The following TAF1 variants were observed in gnomAD, a reference collection of about 807,000 sequenced individuals.
TAF1 encodes TATA-box binding protein associated factor 1, also known as transcription initiation factor TFIID subunit 1.
TAF1 carries 2 observed loss-of-function variants against 138.5 expected under a neutral mutation model. That is an observed-to-expected ratio of 0.01 (90% CI 0.01 to 0.05). The LOEUF is 0.05. TAF1 is among the 10% of genes least tolerant of loss of function. The pLI is 1.00. For synonymous variants in TAF1, 437 were observed against 503.2 expected (o/e 0.87, Z 1.76); for missense variants, 709 against 1,478.0 (o/e 0.48, Z 8.53).
chrX:71,476,853 A>G (rs1276529966), intron 13 of TAF1, among the ~76,000 whole-genome samples: 1 of 111,137 alleles, frequency 9.0e-6, no homozygotes, highest in Non-Finnish European at 1.9e-5. Flanking sequence ...TATATAGGAA[A>G]AAAATGAAAT....
At chrX:71,381,715 T>TA in intron 8 of TAF1, 28 bp from the exon 9 acceptor site, 1 of 1,196,703 alleles carries the variant, frequency 8.4e-7, no homozygotes, top group Non-Finnish European at 1.1e-6. Flanking sequence ...TTTTCTCTGT[T>TA]ACTATTTCCT....
chrX:71,376,927 G>C, intron 4 of TAF1, 23 bp from the exon 5 acceptor site: 2 of 1,208,858 alleles, frequency 1.7e-6, no homozygotes, highest in Admixed American at 2.2e-5. Context: ...ACATGCCAAA[G>C]GGGTTTCTCT....
At chrX:71,435,683 A>G (rs962573549) in intron 32 of TAF1, among the ~76,000 whole-genome samples, 1 of 111,703 alleles carries the variant, frequency 9.0e-6, no homozygotes, top group African/African-American at 3.3e-5. Flanking sequence ...AGGAGGACTA[A>G]TCCAATAGCA....
intron 14 of TAF1, among the ~76,000 whole-genome samples, chrX:71,529,362 CACCTGGCTGGTGCATTTTT>C (rs1269866846): frequency 9.2e-6 from 1 of 108,962 alleles, no homozygotes; most frequent in African/African-American, 3.4e-5. Context: ...TGAGCCACTG[CACCTGGCTGGTGCATTTTT>C]ACAGAGTGCT....
In TAF1 at chrX:71,387,372, A is replaced by G. The variant is rs1192068167; in HGVS notation, c.2338A>G (p.Ile780Val). ...QGYYIRELVD[I>V]FVVGQQCPLF... The stretch of plus-strand genomic sequence containing the variant: ...TTACTATATTCGGGAATTAGTGGAT[A>G]TTTTTGTGGTTGGCCAGCAGTGTCC... Residue 780 changes from isoleucine to valine, a missense_variant, in exon 15 of 38, where the codon ATT (isoleucine) becomes GTT (valine). Transcript: ENST00000423759. 4.1e-6 allele frequency: 5 copies of G among 1,212,064 alleles called. No homozygotes were observed. In the Admixed American group the frequency reaches 8.7e-5, roughly 21 times the overall value.
At chrX:71,449,498 T>G (rs1471101014) in intron 32 of TAF1, among the ~76,000 whole-genome samples, 7 of 112,719 alleles carry the variant, frequency 6.2e-5, no homozygotes, top group African/African-American at 2.2e-4. Context: ...CAAAATGGAT[T>G]AAAGTAAGAG....
At position 71,368,139 on chromosome X, in the gene TAF1, G is replaced by C; in HGVS notation, c.321G>C (p.Thr107=). 1.7e-6 allele frequency: 2 copies of C among 1,212,036 alleles called. No individual in the cohort carries two copies. The highest frequency in any genetic ancestry group is 2.2e-6 in the Non-Finnish European group (2 of 895,552). The part of the protein sequence containing the change: ...AEDESRRYQQ[T]MGSLQPLCHS... ...ATGAAAGCCGAAGATACCAGCAGAC[G>C]ATGGGGAGCTTGCAGCCCCTTTGCC... The change falls in exon 3 of 38, where the codon ACG becomes ACC. Residue 107 remains threonine, a synonymous_variant. Coordinates refer to ENST00000423759, the MANE Select transcript of TAF1 (RefSeq NM_004606.5).
intron 13 of TAF1, among the ~76,000 whole-genome samples, chrX:71,498,234 G>C (rs747331600): frequency 9.0e-6 from 1 of 111,632 alleles, no homozygotes; most frequent in Non-Finnish European, 1.9e-5. Flanking sequence ...GTGGTCTGTG[G>C]GATCCTCAAA....
rs2147467624 is a variant in TAF1 at position 71,465,938 on chromosome X, A to C, written c.*1892A>C. Reference sequence around the variant, plus strand: ...ATGCTGGGTGGGATATTGTGCTTTTATTTCTATATTGTTTGAATTTTTTTA... The same window carrying C: ...ATGCTGGGTGGGATATTGTGCTTTTCTTTCTATATTGTTTGAATTTTTTTA... On this transcript the variant is annotated 3_prime_UTR_variant, in exon 38 of 38. Transcript: ENST00000423759. 1 of 112,162 alleles carries C rather than the reference A, an allele frequency of 8.9e-6. No individual in the cohort carries two copies. The highest frequency in any genetic ancestry group is 3.7e-4 in the South Asian group (1 of 2,736). 9.2% of individuals were successfully genotyped at this position (112,162 alleles called of 1,213,427 possible). A position where few individuals can be genotyped will look rare whatever the true frequency, so the allele number is the denominator to read the frequency against.
Position 71,367,608 on chromosome X carries a change from A to C in TAF1, c.230A>C (p.Asp77Ala), listed in dbSNP as rs1189398402. 7.4e-6 allele frequency: 9 copies of C among 1,209,353 alleles called. No homozygotes were observed. The highest frequency in any genetic ancestry group is 1.0e-5 in the Non-Finnish European group (9 of 894,985). The change falls in exon 2 of 38, where the codon GAT becomes GCT. Residue 77 changes from aspartate (D) to alanine (A), a missense_variant. By Grantham distance (126) the Asp-to-Ala change is moderately radical. This residue lies in a region of TAF1 where 123 missense variants were observed against 161.6 expected (regional missense o/e 0.76). Coordinates refer to ENST00000423759, the MANE Select transcript of TAF1 (RefSeq NM_004606.5). ...GGGACTGACGGTGCCTTGGTAAATGATGAAGGTGAAGTCTGGGTTGTGGGG... is the reference window on the plus strand; with the variant it reads ...GGGACTGACGGTGCCTTGGTAAATGCTGAAGGTGAAGTCTGGGTTGTGGGG... ...LTGTDGALVN[D>A]EGWVRSTEDA...
Position 71,456,649 on chromosome X carries a change from C to CTTTTTTTTTTTTTTTTTT in TAF1, c.4939-1566_4939-1549dup, listed in dbSNP as rs776321706. Among the ~76,000 whole-genome samples the CTTTTTTTTTTTTTTTTTT allele has an allele frequency of 3.4e-4, 9 of 26,828 alleles. 3 individuals carry two copies. The highest frequency in any genetic ancestry group is 6.5e-4 in the African/African-American group (4 of 6,186). The allele number at this position is 26,828 out of a possible 115,157, so 23.3% of individuals were successfully genotyped here. A position where few individuals can be genotyped will look rare whatever the true frequency, so the allele number is the denominator to read the frequency against. On this transcript the variant is annotated intron_variant, in intron 34 of 37. Coordinates refer to ENST00000423759, the MANE Select transcript of TAF1 (RefSeq NM_004606.5). Reference sequence around the variant, plus strand: ...ATGGTGGTGGTCAATAATGTATTTTCTTTTTTTTTTTTTTTTTTTTTTTTT... The same window carrying CTTTTTTTTTTTTTTTTTT: ...ATGGTGGTGGTCAATAATGTATTTTCTTTTTTTTTTTTTTTTTTTTTTTTTTTTTTTTTTTTTTTTTTT...
chrX:71,435,426 A>C (rs903343851), intron 32 of TAF1, among the ~76,000 whole-genome samples: 1 of 111,684 alleles, frequency 9.0e-6, no homozygotes, highest in Non-Finnish European at 1.9e-5. Flanking sequence ...TTTTCTATGG[A>C]GCACCCTCTT....
At chrX:71,377,315 A>G (rs1025075460) in intron 5 of TAF1, 124 bp downstream of exon 5, 8 of 1,037,041 alleles carry the variant, frequency 7.7e-6, no homozygotes, top group Non-Finnish European at 9.0e-6. Flanking sequence ...TTGGCTACAT[A>G]AGAGCTCTTC....
Position 71,436,791 on chromosome X carries a change from A to G in TAF1, c.4753+12553A>G, listed in dbSNP as rs761413019. ...TTTATCACAAAGGCTTTAAAATTTTAAATTCCTTGACTGTGCTTGCCTAAT... is the reference window on the plus strand; with the variant it reads ...TTTATCACAAAGGCTTTAAAATTTTGAATTCCTTGACTGTGCTTGCCTAAT... On this transcript the variant is annotated intron_variant, in intron 32 of 37. Transcript: ENST00000423759. Among the ~76,000 whole-genome samples the G allele has an allele frequency of 1.3e-4, 15 of 112,253 alleles. 1 individual carries two copies. In the South Asian group the frequency reaches 2.9e-3, roughly 22 times the overall value.
chrX:71,451,777 G>T (rs1265559901), intron 32 of TAF1, among the ~76,000 whole-genome samples: 4 of 110,810 alleles, frequency 3.6e-5, no homozygotes, highest in Non-Finnish European at 7.6e-5. Context: ...ATGTTTCAGA[G>T]AGCACAGGGT....
At chrX:71,503,332 A>G (rs1569408518) in intron 13 of TAF1, among the ~76,000 whole-genome samples, 2 of 98,906 alleles carry the variant, frequency 2.0e-5, no homozygotes, top group Non-Finnish European at 4.0e-5. Flanking sequence ...GTGTGTGTAT[A>G]TATATATATA....
chrX:71,442,765 G>A (rs911067464), intron 32 of TAF1, among the ~76,000 whole-genome samples: 6 of 111,696 alleles, frequency 5.4e-5, no homozygotes, highest in African/African-American at 9.8e-5. Context: ...GTAATGCCTA[G>A]GTTTTCTTCT....
intron 24 of TAF1, among the ~76,000 whole-genome samples, chrX:71,399,698 A>G (rs1166161518): frequency 9.3e-6 from 1 of 107,902 alleles, no homozygotes; most frequent in Admixed American, 1.0e-4. Flanking sequence ...CAGCCTCCCA[A>G]GTAGCTGTGC....
chrX:71,383,257 G>T, intron 12 of TAF1, 93 bp downstream of exon 12: 1 of 972,580 alleles, frequency 1.0e-6, no homozygotes, highest in Non-Finnish European at 1.4e-6. Flanking sequence ...TTAGGGAATT[G>T]GTTATTTTCT....
Sources: gnomAD v4.1 joint callset for allele counts (sites outside exome capture counted in the v4.1 genomes callset) on GRCh38, gnomAD v4.1.1 for gene constraint, gnomAD v4.1.1 regional missense constraint, MANE v1.5 for transcripts, NCBI Gene and HGNC (gene_info 2026-07-23, HGNC 2026-07-21) for gene names.